The following ZFHX3 variants were observed in gnomAD, a reference collection of about 807,000 sequenced individuals.
ZFHX3 encodes the protein zinc finger homeobox 3.
A neutral mutation model predicts 279.1 loss-of-function variants in ZFHX3; 42 were observed. That is an observed-to-expected ratio of 0.15 (90% confidence interval 0.12 to 0.19). ZFHX3 has a LOEUF of 0.19. Ranked by LOEUF, ZFHX3 falls within the 10% of genes least tolerant of loss-of-function variation. The pLI is 1.00. For missense variants in ZFHX3, 4,981 were observed against 4,754.0 expected (o/e 1.05, Z -1.40); for synonymous variants, 2,293 against 1,957.8 (o/e 1.17, Z -4.52).
intron 2 of ZFHX3, among the ~76,000 whole-genome samples, chr16:73,495,531 G>A (rs1193965743): frequency 6.6e-6 from 1 of 152,210 alleles, no homozygotes; most frequent in Non-Finnish European, 1.5e-5. Context: ...GCTCAAACCT[G>A]AGAAAGTGTT....
intron 2 of ZFHX3, among the ~76,000 whole-genome samples, chr16:73,584,240 A>C (rs544101885): frequency 1.1e-4 from 17 of 152,190 alleles, no homozygotes; most frequent in Non-Finnish European, 1.8e-4. Context: ...GAGGCAGAGG[A>C]TATGTTTAAA....
chr16:73,564,727 T>G (rs1427896677), intron 2 of ZFHX3, among the ~76,000 whole-genome samples: 1 of 152,158 alleles, frequency 6.6e-6, no homozygotes, highest in Non-Finnish European at 1.5e-5. Flanking sequence ...CTCCCTATAC[T>G]TCAAAATTGT....
intron 1 of ZFHX3, among the ~76,000 whole-genome samples, chr16:73,832,324 C>T (rs1486762846): frequency 6.6e-6 from 1 of 151,962 alleles, no homozygotes; most frequent in African/African-American, 2.4e-5. Context: ...CTGAAAAGTT[C>T]CAGCTCACTT....
intron 3 of ZFHX3, among the ~76,000 whole-genome samples, chr16:73,383,843 A>T (rs2016855654): frequency 6.6e-6 from 1 of 152,200 alleles, no homozygotes; most frequent in African/African-American, 2.4e-5. Flanking sequence ...CTTTAACAAA[A>T]CAGCGGTGCC....
At chr16:73,737,694 A>G (rs77038250) in intron 1 of ZFHX3, among the ~76,000 whole-genome samples, 1 of 151,910 alleles carries the variant, frequency 6.6e-6, no homozygotes, top group African/African-American at 2.4e-5. Flanking sequence ...AAAAAAAAAA[A>G]TCCCACAAAG....
chr16:73,543,271 T>TA (rs1212950097), intron 2 of ZFHX3, among the ~76,000 whole-genome samples: 1 of 152,252 alleles, frequency 6.6e-6, no homozygotes, highest in Non-Finnish European at 1.5e-5. Context: ...CACTTGAATT[T>TA]AAAATCTTTC....
chr16:73,710,182 AC>A (rs1156865637), intron 1 of ZFHX3, among the ~76,000 whole-genome samples: 1 of 152,224 alleles, frequency 6.6e-6, no homozygotes, highest in Non-Finnish European at 1.5e-5. Flanking sequence ...TGTCTCAAAA[AC>A]AAAACAAAAC....
intron 3 of ZFHX3, among the ~76,000 whole-genome samples, chr16:73,384,691 C>G (rs933691844): frequency 2.0e-5 from 3 of 152,192 alleles, no homozygotes; most frequent in African/African-American, 7.2e-5. Flanking sequence ...CAGCATACAC[C>G]AAGGAAGAGA....
chr16:73,883,599 A>T (rs557777193), intron 1 of ZFHX3, among the ~76,000 whole-genome samples: 1 of 152,208 alleles, frequency 6.6e-6, no homozygotes, highest in East Asian at 1.9e-4. Context: ...GTACAAAAAT[A>T]CATCTGCCAG....
At chr16:73,857,320 A>G (rs1188101748) in intron 1 of ZFHX3, among the ~76,000 whole-genome samples, 2 of 152,228 alleles carry the variant, frequency 1.3e-5, no homozygotes, top group Admixed American at 1.3e-4. Flanking sequence ...AGTTTGGAGA[A>G]TAAATGAGTA....
At chr16:73,362,667 C>T (rs1301923829) in intron 3 of ZFHX3, among the ~76,000 whole-genome samples, 1 of 152,226 alleles carries the variant, frequency 6.6e-6, no homozygotes, top group African/African-American at 2.4e-5. Context: ...CAAGGCAGGG[C>T]AAACAGGGCA....
chr16:72,988,308 C>T (rs1023573672), intron 1 of ZFHX3, among the ~76,000 whole-genome samples: 2 of 152,234 alleles, frequency 1.3e-5, no homozygotes, highest in Non-Finnish European at 2.9e-5. Flanking sequence ...AACAGCCAGC[C>T]AGTCCCGGAG....
At chr16:72,940,418 GGGA>G (rs1432539405) in intron 3 of ZFHX3, among the ~76,000 whole-genome samples, 1 of 152,160 alleles carries the variant, frequency 6.6e-6, no homozygotes, top group Admixed American at 6.5e-5. Flanking sequence ...CTGAACCCAT[GGGA>G]GGAGAAGAAG....
intron 1 of ZFHX3, among the ~76,000 whole-genome samples, chr16:73,885,443 T>C (rs528056652): frequency 2.3e-4 from 35 of 152,340 alleles, no homozygotes; most frequent in African/African-American, 7.7e-4. Context: ...ATTATACTTA[T>C]ATAATTCTAT....
At position 73,183,862 on chromosome 16, in the gene ZFHX3, T is replaced by G. The variant is rs567201216; in HGVS notation, c.-1103-40031A>C. On this transcript the variant is annotated intron_variant, in intron 5 of 17. Coordinates refer to the ZFHX3 transcript ENST00000641206. Reference sequence around the variant, plus strand: ...CCTGCGAACCGTGGGGGCGCTCTGATCTCGTTCTTATGCTCTGCTTGCTGA... The same window carrying G: ...CCTGCGAACCGTGGGGGCGCTCTGAGCTCGTTCTTATGCTCTGCTTGCTGA... Among the ~76,000 whole-genome samples the G allele has an allele frequency of 6.5e-4, 99 of 151,942 alleles. 1 individual carries two copies. The highest frequency in any genetic ancestry group is 1.0e-3 in the Non-Finnish European group (69 of 67,994).
chr16:73,462,367 A>G (rs1285722003), intron 2 of ZFHX3, among the ~76,000 whole-genome samples: 1 of 152,156 alleles, frequency 6.6e-6, no homozygotes, highest in Non-Finnish European at 1.5e-5. Flanking sequence ...AAATAAAAAT[A>G]CTTCTTTTTC....
At chr16:72,811,305 A>G (rs1287915845) in intron 7 of ZFHX3, among the ~76,000 whole-genome samples, 1 of 152,246 alleles carries the variant, frequency 6.6e-6, no homozygotes, top group East Asian at 1.9e-4. Flanking sequence ...TGATTTCTTC[A>G]TATAAATGGT....
At chr16:73,286,176 C>G (rs1182403548) in intron 4 of ZFHX3, among the ~76,000 whole-genome samples, 1 of 151,888 alleles carries the variant, frequency 6.6e-6, no homozygotes, top group East Asian at 1.9e-4. Flanking sequence ...CTCTCTCTCT[C>G]ACACACACAT....
intron 1 of ZFHX3, among the ~76,000 whole-genome samples, chr16:73,882,092 T>C (rs1377187396): frequency 2.6e-5 from 4 of 152,190 alleles, no homozygotes; most frequent in Non-Finnish European, 4.4e-5. Context: ...ACGGCATTAG[T>C]AATTCCACTC....
Sources: allele counts gnomAD v4.1 joint callset (sites outside exome capture counted in the v4.1 genomes callset), GRCh38; gene constraint gnomAD v4.1.1; transcripts MANE v1.5; gene names NCBI Gene and HGNC (gene_info 2026-07-23, HGNC 2026-07-21).